Variants in MCF2 observed in about 807,000 individuals in gnomAD.
The protein encoded by MCF2 is proto-oncogene DBL.
MCF2 carries 44 observed loss-of-function variants against 82.5 expected under a neutral mutation model. That is an observed-to-expected ratio of 0.53 (90% CI 0.42 to 0.69). The LOEUF is 0.69. Ranked by LOEUF, MCF2 falls within the 30% of genes least tolerant of loss-of-function variation. The pLI is 0.00. For missense variants in MCF2, 623 were observed against 663.1 expected, an observed-to-expected ratio of 0.94 and a Z score of 0.66; for synonymous variants, 217 against 224.9, an observed-to-expected ratio of 0.96 and a Z score of 0.32.
chrX:139,672,793 C>G (rs975761987), intron 1 of MCF2, among the ~76,000 whole-genome samples: 1 of 111,882 alleles, frequency 8.9e-6, no homozygotes, highest in Non-Finnish European at 1.9e-5. Context: ...TGTTGTGTCT[C>G]TGCCAGGCTT....
chrX:139,616,553 C>G (rs1931927023), intron 8 of MCF2, 80 bp from the exon 12 acceptor site: 2 of 556,751 alleles, frequency 3.6e-6, no homozygotes, highest in African/African-American at 4.7e-5. Flanking sequence ...GTGAGTGGTT[C>G]TCAGCCTCTG....
chrX:139,594,387 A>C (rs1036991639), intron 19 of MCF2, among the ~76,000 whole-genome samples: 1 of 111,480 alleles, frequency 9.0e-6, no homozygotes, highest in African/African-American at 3.3e-5. Flanking sequence ...GATATAGATC[A>C]ATGGAACAGA....
chrX:139,630,553 TA>T (rs1399160314), intron 3 of MCF2, among the ~76,000 whole-genome samples: 1 of 112,511 alleles, frequency 8.9e-6, no homozygotes, highest in Non-Finnish European at 1.9e-5. Context: ...TACAGGTTAT[TA>T]AAGGCTAGGC....
intron 1 of MCF2, among the ~76,000 whole-genome samples, chrX:139,637,048 G>T (rs1398399009): frequency 9.0e-6 from 1 of 111,320 alleles, no homozygotes; most frequent in African/African-American, 3.3e-5. Context: ...TAAAGAAAAT[G>T]CACCATCAAA....
In MCF2 at chrX:139,604,752, T is replaced by C; in HGVS notation, c.1674-2A>G. On this transcript the variant is annotated splice_acceptor_variant, in intron 14 of 24. Transcript: ENST00000370576. LOFTEE classifies it high-confidence loss of function. Reference sequence around the variant, plus strand: ...TTTTCCAGGCTGCTCAAGAAAATGCTGTGAAAATTTCAGAGAAAAAAAATT... The same window carrying C: ...TTTTCCAGGCTGCTCAAGAAAATGCCGTGAAAATTTCAGAGAAAAAAAATT... 1 of 1,189,162 alleles carries C rather than the reference T, an allele frequency of 8.4e-7. No individual in the cohort carries two copies. The highest frequency in any genetic ancestry group is 1.1e-6 in the Non-Finnish European group (1 of 881,554).
chrX:139,690,658 A>G (rs1264724217), intron 1 of MCF2, among the ~76,000 whole-genome samples: 3 of 111,550 alleles, frequency 2.7e-5, no homozygotes, highest in Non-Finnish European at 3.8e-5. Flanking sequence ...AGATGTTTGC[A>G]TGGCCTCCTT....
intron 1 of MCF2, among the ~76,000 whole-genome samples, chrX:139,683,957 A>G (rs778449135): frequency 8.9e-6 from 1 of 112,765 alleles, no homozygotes; most frequent in South Asian, 3.6e-4. Flanking sequence ...AGTACAAGCA[A>G]TAAAAGAAAA....
exon 1 of MCF2, chrX:139,642,641 G>A (rs921006296): frequency 6.3e-5 from 74 of 1,180,426 alleles, no homozygotes; most frequent in Middle Eastern, 2.4e-4. Flanking sequence ...CAAAGCTGCC[G>A]TGGCTGCTTC....
chrX:139,672,077 T>C (rs1471976546), intron 1 of MCF2, among the ~76,000 whole-genome samples: 2 of 111,987 alleles, frequency 1.8e-5, no homozygotes, highest in Non-Finnish European at 3.8e-5. Flanking sequence ...TTTGTAGCAA[T>C]TGTGAATGGG....
intron 10 of MCF2, 56 bp from the exon 14 acceptor site, chrX:139,613,319 A>G (rs1270801366): frequency 1.1e-6 from 1 of 923,714 alleles, no homozygotes; most frequent in Non-Finnish European, 1.5e-6. Context: ...AAATGAAACA[A>G]TACAAAACAA....
chrX:139,584,836 C>T (rs1283790098), intron 24 of MCF2, among the ~76,000 whole-genome samples: 7 of 111,722 alleles, frequency 6.3e-5, no homozygotes, highest in Non-Finnish European at 1.3e-4. Flanking sequence ...GAAAGATTGA[C>T]TATCTATTTC....
At chrX:139,661,372 A>C (rs1318340214) in intron 1 of MCF2, among the ~76,000 whole-genome samples, 1 of 112,078 alleles carries the variant, frequency 8.9e-6, no homozygotes, top group Non-Finnish European at 1.9e-5. Context: ...CTTAACACAA[A>C]GATGTTGTCC....
At chrX:139,593,581 CA>C (rs1341129569) in intron 19 of MCF2, among the ~76,000 whole-genome samples, 1 of 109,336 alleles carries the variant, frequency 9.1e-6, no homozygotes, top group Non-Finnish European at 1.9e-5. Context: ...GAGACACAAC[CA>C]AAAAAGAGAA....
chrX:139,680,844 T>G (rs1450318441), intron 1 of MCF2, among the ~76,000 whole-genome samples: 2 of 112,415 alleles, frequency 1.8e-5, no homozygotes, highest in African/African-American at 6.5e-5. Context: ...CAATGGTAAA[T>G]CCAATTAAAA....
chrX:139,693,509 C>G (rs1039224486), intron 1 of MCF2, among the ~76,000 whole-genome samples: 1 of 109,423 alleles, frequency 9.1e-6, no homozygotes, highest in African/African-American at 3.4e-5. Context: ...CACACACACA[C>G]ACACATGTCC....
chrX:139,670,658 C>A (rs1172760665), intron 1 of MCF2, among the ~76,000 whole-genome samples: 1 of 111,791 alleles, frequency 8.9e-6, no homozygotes, highest in Non-Finnish European at 1.9e-5. Flanking sequence ...CTTTTTATGG[C>A]TGCATAGTAT....
upstream of MCF2, chrX:139,646,898 G>T: frequency 9.1e-7 from 1 of 1,093,079 alleles, no homozygotes; most frequent in Non-Finnish European, 1.2e-6. Context: ...TCCTTTCCCC[G>T]GCCACCTACA....
rs748342011 is a variant in MCF2, at chrX:139,666,543, T to C, written c.-44-14755A>G. On this transcript the variant is annotated intron_variant, in intron 1 of 27. Coordinates refer to the MCF2 transcript ENST00000414978. ...TTTACATGTATCATCCCATTCTCTA[T>C]TGGCCTCTGAAGTTTCTGCTGAGAA... Among the ~76,000 whole-genome samples the C allele has an allele frequency of 7.1e-5, 8 of 111,977 alleles. No homozygotes were observed. In the South Asian group the frequency reaches 2.7e-3, roughly 37 times the overall value.
rs188078985 is a variant in MCF2 at position 139,707,950 on chromosome X, G to A, written c.-45+156C>T. ...CTGCACTGTGTCCTGCAAATCATTGGTCCTAGAAATGGGGGATTCTGGGGA... is the reference window on the plus strand; with the variant it reads ...CTGCACTGTGTCCTGCAAATCATTGATCCTAGAAATGGGGGATTCTGGGGA... On this transcript the variant is annotated intron_variant, in intron 1 of 27. Transcript: ENST00000414978. Among the ~76,000 whole-genome samples the A allele has an allele frequency of 1.2e-4, 13 of 111,746 alleles. No individual in the cohort carries two copies. In the East Asian group the frequency reaches 3.6e-3, roughly 31 times the overall value.
Sources: gnomAD v4.1 joint callset for allele counts (sites outside exome capture counted in the v4.1 genomes callset) on GRCh38, gnomAD v4.1.1 for gene constraint, MANE v1.5 for transcripts, NCBI Gene and HGNC (gene_info 2026-07-23, HGNC 2026-07-21) for gene names.